SIL1: variants seen among roughly 807,000 people sequenced by gnomAD.
SIL1 encodes nucleotide exchange factor SIL1.
SIL1 carries 40 observed loss-of-function variants against 49.1 expected under a neutral mutation model. The ratio of observed to expected loss-of-function variants is 0.81; its 90% CI spans 0.63 to 1.06. SIL1 has a LOEUF of 1.06. Ranked by LOEUF, SIL1 falls within the 50% of genes least tolerant of loss-of-function variation. SIL1 has a pLI of 0.00. For synonymous variants in SIL1, 253 were observed against 250.8 expected (o/e 1.01, Z -0.08); for missense variants, 500 against 572.6 (o/e 0.87, Z 1.29).
intron 7 of SIL1, among the ~76,000 whole-genome samples, chr5:138,968,993 C>A (rs1382993431): frequency 6.6e-6 from 1 of 152,132 alleles, no homozygotes; most frequent in African/African-American, 2.4e-5. Flanking sequence ...ATATCCCCTG[C>A]CTGCTTGAGA....
At position 139,035,484 on chromosome 5, in the gene SIL1, CT is replaced by C. The variant is rs1335818236; in HGVS notation, c.453+7135del. On this transcript the variant is annotated intron_variant, in intron 5 of 9. Coordinates refer to ENST00000394817, the MANE Select transcript of SIL1 (RefSeq NM_022464.5). ...CAGTTTCACTGTAATCCTCAGACCC[CT>C]CCAGTCACCGGCTGCCTTGGCAATG... 4 of 537,646 alleles carry C rather than the reference CT, an allele frequency of 7.4e-6. No homozygotes were observed. The African/African-American group carries it at 7.6e-5, about 10-fold the overall frequency. 33.3% of individuals were successfully genotyped at this position (537,646 alleles called of 1,614,324 possible).
In SIL1 at chr5:138,948,989, C is replaced by G. The variant is rs1013721694; in HGVS notation, c.1030-1516G>C. On this transcript the variant is annotated intron_variant, in intron 9 of 9. Coordinates refer to ENST00000394817, the MANE Select transcript of SIL1 (RefSeq NM_022464.5). This position sits in a 1 kb window ranked among gnomAD's most constrained non-coding sequence, Gnocchi z 4.8. ...ATTTCCCAGCCTCCCGAATCATGAG[C>G]CAAAAACTGCCTTTTCTTTATATTA... is the stretch of plus-strand genomic sequence containing the variant. Among the ~76,000 whole-genome samples, 1 of 152,228 alleles carries G rather than the reference C, an allele frequency of 6.6e-6. No homozygotes were observed. The highest frequency in any genetic ancestry group is 1.5e-5 in the Non-Finnish European group (1 of 68,038).
At chr5:139,195,086 C>A (rs901914682) in intron 1 of SIL1, among the ~76,000 whole-genome samples, 1 of 152,080 alleles carries the variant, frequency 6.6e-6, no homozygotes, top group African/African-American at 2.4e-5. Flanking sequence ...GCATGCGCCA[C>A]CACGCCCGGC....
chr5:138,970,714 G>A (rs915098088), intron 7 of SIL1, among the ~76,000 whole-genome samples: 1 of 152,098 alleles, frequency 6.6e-6, no homozygotes, highest in Admixed American at 6.5e-5. Flanking sequence ...GGAAGATCCT[G>A]GCCAACATGG....
chr5:139,028,259 G>T (rs1240059700), intron 5 of SIL1, among the ~76,000 whole-genome samples: 3 of 152,036 alleles, frequency 2.0e-5, no homozygotes, highest in Admixed American at 1.3e-4. Flanking sequence ...CAGCACTTTG[G>T]TAGGCCGAGG....
At chr5:139,056,200 G>T (rs1173350534) in intron 3 of SIL1, among the ~76,000 whole-genome samples, 2 of 150,780 alleles carry the variant, frequency 1.3e-5, no homozygotes, top group Non-Finnish European at 3.0e-5. Context: ...GTCTCTGCCC[G>T]GCCGCCATCC....
chr5:139,154,215 A>C (rs1751363933), intron 1 of SIL1, among the ~76,000 whole-genome samples: 3 of 145,574 alleles, frequency 2.1e-5, no homozygotes, highest in African/African-American at 7.4e-5. Context: ...GAAGGGACTG[A>C]GCCAAAATAT....
intron 1 of SIL1, among the ~76,000 whole-genome samples, chr5:139,185,684 A>G (rs992633528): frequency 1.3e-5 from 2 of 152,254 alleles, no homozygotes; most frequent in African/African-American, 2.4e-5. Flanking sequence ...CTCACTAGAG[A>G]CAAACTGCAC....
At chr5:139,019,411 C>A (rs1052280393) in intron 7 of SIL1, among the ~76,000 whole-genome samples, 2 of 152,192 alleles carry the variant, frequency 1.3e-5, no homozygotes, top group African/African-American at 4.8e-5. Context: ...TGGCGCCATA[C>A]CATGCTGTCA....
At chr5:139,131,348 T>TG (rs1750859317) in intron 1 of SIL1, among the ~76,000 whole-genome samples, 2 of 152,130 alleles carry the variant, frequency 1.3e-5, no homozygotes, top group Non-Finnish European at 2.9e-5. Flanking sequence ...ATTGGACCTG[T>TG]GGCATGATTG....
intron 3 of SIL1, among the ~76,000 whole-genome samples, chr5:139,119,085 G>T (rs1341765894): frequency 6.6e-6 from 1 of 152,222 alleles, no homozygotes; most frequent in East Asian, 1.9e-4. Flanking sequence ...TTGTGCAGAA[G>T]AGTTTACCAG....
At chr5:139,005,592 TCCCTCCC>T (rs1419745672) in intron 7 of SIL1, among the ~76,000 whole-genome samples, 1 of 103,094 alleles carries the variant, frequency 9.7e-6, no homozygotes, top group Non-Finnish European at 1.9e-5. Flanking sequence ...CCCAATGCTA[TCCCTCCC>T]CCCTCCCCCC....
At chr5:139,152,267 T>A (rs1751314706) in intron 1 of SIL1, among the ~76,000 whole-genome samples, 1 of 152,226 alleles carries the variant, frequency 6.6e-6, no homozygotes. Context: ...CGTCAAAGTA[T>A]CCTGGGGTAA....
Position 138,948,570 on chromosome 5 carries a change from C to T in SIL1, c.1030-1097G>A, listed in dbSNP as rs191924938. Among the ~76,000 whole-genome samples the T allele has an allele frequency of 2.0e-5, 3 of 152,184 alleles. No individual in the cohort carries two copies. Among genetic ancestry groups the T allele is most frequent in the Admixed American group, 1.3e-4 (2 of 15,280 alleles). ...CGGCCTGGACCCACTCACACCCACT[C>T]CTGTCACTCTAACTCTCCCCTGGGG... On this transcript the variant is annotated intron_variant, in intron 9 of 9. Transcript: ENST00000394817. This position sits in a 1 kb window ranked among gnomAD's most constrained non-coding sequence, Gnocchi z 4.8.
chr5:139,167,202 C>T (rs1751641534), intron 1 of SIL1, among the ~76,000 whole-genome samples: 1 of 152,036 alleles, frequency 6.6e-6, no homozygotes, highest in Admixed American at 6.5e-5. Context: ...TAACCCCCAC[C>T]CCCCGCCTCA....
At chr5:139,108,917 A>G (rs371841374) in intron 3 of SIL1, among the ~76,000 whole-genome samples, 25 of 152,072 alleles carry the variant, frequency 1.6e-4, no homozygotes, top group African/African-American at 6.0e-4. Context: ...AAAAAAAAAA[A>G]AGAGTATTGT....
chr5:139,036,110 GTTGT>G (rs1189933259), intron 5 of SIL1: 4 of 152,274 alleles, frequency 2.6e-5, no homozygotes, highest in Middle Eastern at 3.4e-3. Context: ...CATTCTGTAG[GTTGT>G]TTATTGATAG....
At chr5:139,035,609 C>A (rs1295891820) in intron 5 of SIL1, 1 of 355,376 alleles carries the variant, frequency 2.8e-6, no homozygotes, top group Non-Finnish European at 5.4e-6. Flanking sequence ...GACATGGCGC[C>A]CATTTCACCC....
In SIL1 at chr5:138,951,238, T is replaced by G. The variant is rs1390242338; in HGVS notation, c.962A>C (p.Gln321Pro). ...GGCGAGCACCTCCGTGCCCTTCTCC[T>G]GCACCAGGGTCCTCAGGACCTGCAG... ...GGLQVLRTLV[Q>P]EKGTEVLAVR... is the part of the protein sequence containing the mutation. The change falls in exon 9 of 10, where the codon CAG becomes CCG. Residue 321 changes from glutamine (Q) to proline (P), a missense_variant. Coordinates refer to ENST00000394817, the MANE Select transcript of SIL1 (RefSeq NM_022464.5). 1.2e-6 allele frequency: 2 copies of G among 1,603,720 alleles called. No individual in the cohort carries two copies. Among genetic ancestry groups the G allele is most frequent in the Non-Finnish European group, 1.7e-6 (2 of 1,174,962 alleles).
Sources: gnomAD v4.1 joint callset for allele counts (sites outside exome capture counted in the v4.1 genomes callset) on GRCh38, gnomAD v4.1.1 for gene constraint, Gnocchi (gnomAD v3.1) non-coding constraint, MANE v1.5 for transcripts, NCBI Gene and HGNC (gene_info 2026-07-23, HGNC 2026-07-21) for gene names.